DTNA: variants seen among roughly 807,000 people sequenced by gnomAD.
The protein encoded by DTNA is dystrophin-related protein 3.
DTNA carries 43 observed loss-of-function variants against 100.7 expected under a neutral mutation model. That is an observed-to-expected ratio of 0.43 (90% confidence interval 0.33 to 0.55). The LOEUF is 0.55. Ranked by LOEUF, DTNA falls within the 20% of genes least tolerant of loss-of-function variation. The pLI, the probability that DTNA is intolerant of heterozygous loss-of-function variation, is 0.04. For synonymous variants in DTNA, 349 were observed against 347.9 expected (o/e 1.00, Z -0.04); for missense variants, 798 against 953.9 (o/e 0.84, Z 2.15).
In DTNA at chr18:34,806,172, T is replaced by G. The variant is rs1174577892; in HGVS notation, c.363-47T>G. On this transcript the variant is annotated intron_variant, in intron 4 of 22. Transcript: ENST00000444659. ...GGAAGTACTCCAAATGACATCATGG[T>G]TTTGTTTTGTTTTTGTTTTTGTTTT... 5 of 1,519,426 alleles carry G rather than the reference T, an allele frequency of 3.3e-6. No homozygotes were observed. In the South Asian group the frequency reaches 4.5e-5, roughly 14 times the overall value. 94.1% of individuals were successfully genotyped at this position (1,519,426 alleles called of 1,614,324 possible).
intron 1 of DTNA, among the ~76,000 whole-genome samples, chr18:34,753,357 A>ATTTATTTTATTTTATTTTAT (rs1568412298): frequency 9.9e-4 from 2 of 2,016 alleles, no homozygotes; most frequent in African/African-American, 2.0e-3. Context: ...TTATTTATTT[A>ATTTATTTTATTTTATTTTAT]TTTATTTTAT....
intron 1 of DTNA, among the ~76,000 whole-genome samples, chr18:34,623,231 A>G (rs2056814779): frequency 6.6e-6 from 1 of 152,124 alleles, no homozygotes; most frequent in Admixed American, 6.5e-5. Context: ...AGGAACAAAA[A>G]TCTGATTCAG....
chr18:34,718,881 A>G (rs2084639039), intron 1 of DTNA, among the ~76,000 whole-genome samples: 1 of 152,234 alleles, frequency 6.6e-6, no homozygotes, highest in African/African-American at 2.4e-5. Context: ...AGAGGAGCAC[A>G]TCATGTGAGA....
At chr18:34,517,315 G>A (rs1030997266) in intron 1 of DTNA, among the ~76,000 whole-genome samples, 2 of 152,126 alleles carry the variant, frequency 1.3e-5, no homozygotes, top group Non-Finnish European at 2.9e-5. Context: ...TGCAGTTGCA[G>A]TAAATAATAC....
intron 1 of DTNA, among the ~76,000 whole-genome samples, chr18:34,692,096 C>T (rs191408530): frequency 6.6e-6 from 1 of 152,324 alleles, no homozygotes; most frequent in Admixed American, 6.5e-5. Flanking sequence ...TGCCAAGTCT[C>T]CTCCTCTTTG....
At position 34,687,636 on chromosome 18, in the gene DTNA, T is replaced by C. The variant is rs2079101438; in HGVS notation, c.-1-68340T>C. 2.0e-5 allele frequency among the ~76,000 whole-genome samples: 3 copies of C among 152,128 alleles called. No homozygotes were observed. In the South Asian group the frequency reaches 6.2e-4, roughly 32 times the overall value. On this transcript the variant is annotated intron_variant, in intron 1 of 19. Coordinates refer to the DTNA transcript ENST00000283365. The stretch of plus-strand genomic sequence containing the variant: ...TATTCTGTTGATTTGGGGTGGAGAG[T>C]TCTGCAGATGTCTGTTAGATCTGCC...
At chr18:34,864,156 T>A in intron 17 of DTNA, 94 bp downstream of exon 17, 1 of 1,106,426 alleles carries the variant, frequency 9.0e-7, no homozygotes, top group Non-Finnish European at 1.3e-6. Context: ...CCAATTGCTG[T>A]ATGTGATTTC....
intron 5 of DTNA, among the ~76,000 whole-genome samples, chr18:34,807,986 C>G (rs577371414): frequency 7.6e-4 from 115 of 151,514 alleles, no homozygotes; most frequent in African/African-American, 2.6e-3. Flanking sequence ...TTCTGAGAAC[C>G]TTGTCTGCCA....
At chr18:34,758,259 A>C (rs1371450597) in intron 2 of DTNA, among the ~76,000 whole-genome samples, 1 of 152,232 alleles carries the variant, frequency 6.6e-6, no homozygotes, top group Non-Finnish European at 1.5e-5. Context: ...GCAAAAAAGG[A>C]CTAGACTTGT....
At chr18:34,623,708 A>G (rs1032071850) in intron 1 of DTNA, among the ~76,000 whole-genome samples, 1 of 152,236 alleles carries the variant, frequency 6.6e-6, no homozygotes, top group South Asian at 2.1e-4. Context: ...TGTCCTGGCC[A>G]TAAGCCTAGT....
chr18:34,651,219 A>G (rs2060403232), intron 1 of DTNA, among the ~76,000 whole-genome samples: 1 of 152,212 alleles, frequency 6.6e-6, no homozygotes, highest in African/African-American at 2.4e-5. Context: ...TGTTTTTGTA[A>G]AAATGGCCAC....
At chr18:34,615,254 A>G (rs193179450) in intron 1 of DTNA, among the ~76,000 whole-genome samples, 1 of 152,120 alleles carries the variant, frequency 6.6e-6, no homozygotes, top group Admixed American at 6.5e-5. Context: ...AAACAACCAA[A>G]TCTCACAAGA....
intron 2 of DTNA, among the ~76,000 whole-genome samples, chr18:34,756,888 G>A (rs1188128996): frequency 1.1e-4 from 17 of 152,068 alleles, no homozygotes; most frequent in Admixed American, 5.2e-4. Flanking sequence ...TCCTGCATAC[G>A]GAATGAGGAT....
intron 1 of DTNA, among the ~76,000 whole-genome samples, chr18:34,566,509 G>A (rs563033668): frequency 6.6e-6 from 1 of 152,306 alleles, no homozygotes; most frequent in East Asian, 1.9e-4. Context: ...ACATGTTTCA[G>A]AGAAAGTTCT....
intron 21 of DTNA, among the ~76,000 whole-genome samples, chr18:34,883,898 T>G (rs987680560): frequency 1.3e-5 from 2 of 151,916 alleles, no homozygotes; most frequent in African/African-American, 4.8e-5. Flanking sequence ...AGAAAGAGGG[T>G]AAAAGAAAAA....
intron 1 of DTNA, among the ~76,000 whole-genome samples, chr18:34,511,461 A>G (rs183599041): frequency 2.0e-5 from 3 of 152,232 alleles, no homozygotes; most frequent in African/African-American, 7.2e-5. Flanking sequence ...CCTGGGCTCT[A>G]TGACTTAGTT....
intron 1 of DTNA, among the ~76,000 whole-genome samples, chr18:34,661,864 G>A (rs2075247074): frequency 6.6e-6 from 1 of 151,996 alleles, no homozygotes; most frequent in South Asian, 2.1e-4. Context: ...GTTTTATGTG[G>A]CCTACCCAGT....
rs908180549 is a variant in DTNA, at chr18:34,820,044, G to A, written c.877-747G>A. Reference sequence around the variant, plus strand: ...TGCACCAACCTAATGTATGTGGTAGGCTACTTTTTATAAAATTTTGACTGT... The same window carrying A: ...TGCACCAACCTAATGTATGTGGTAGACTACTTTTTATAAAATTTTGACTGT... On this transcript the variant is annotated intron_variant, in intron 8 of 22. Coordinates refer to ENST00000444659, the MANE Select transcript of DTNA (RefSeq NM_001386795.1). 4.0e-5 allele frequency among the ~76,000 whole-genome samples: 6 copies of A among 150,706 alleles called. 1 individual carries two copies. The highest frequency in any genetic ancestry group is 1.5e-4 in the African/African-American group (6 of 41,246).
At chr18:34,781,743 GTATT>G (rs1392225146) in intron 3 of DTNA, among the ~76,000 whole-genome samples, 2 of 152,146 alleles carry the variant, frequency 1.3e-5, no homozygotes, top group African/African-American at 2.4e-5. Flanking sequence ...TTATTTATTT[GTATT>G]TATTCTCATT....
Sources: allele counts gnomAD v4.1 joint callset (sites outside exome capture counted in the v4.1 genomes callset), GRCh38; gene constraint gnomAD v4.1.1; transcripts MANE v1.5; gene names NCBI Gene and HGNC (gene_info 2026-07-23, HGNC 2026-07-21).